The following ACP3 variants were observed in gnomAD, a reference collection of about 807,000 sequenced individuals.
The protein encoded by ACP3 is prostatic acid phosphatase.
A neutral mutation model predicts 45.6 loss-of-function variants in ACP3; 38 were observed. That is an observed-to-expected ratio of 0.83 (90% CI 0.64 to 1.09). The LOEUF (loss-of-function observed/expected upper bound fraction) is 1.09, where lower values mean the gene tolerates loss of function less well. Ranked by LOEUF, ACP3 falls within the 50% of genes least tolerant of loss-of-function variation. The pLI, the probability that ACP3 is intolerant of heterozygous loss-of-function variation, is 0.00. For missense variants in ACP3, 466 were observed against 463.2 expected, an observed-to-expected ratio of 1.01 and a Z score of -0.05; for synonymous variants, 162 against 164.7, an observed-to-expected ratio of 0.98 and a Z score of 0.13.
chr3:132,337,231 TGA>T (rs1937507109), intron 4 of ACP3: 2 of 365,698 alleles, frequency 5.5e-6, no homozygotes, highest in Non-Finnish European at 9.6e-6. Flanking sequence ...AGTTTATGAA[TGA>T]AAAAAAAGGA....
intron 9 of ACP3, among the ~76,000 whole-genome samples, chr3:132,356,402 C>A (rs1937897028): frequency 6.6e-6 from 1 of 152,128 alleles, no homozygotes; most frequent in South Asian, 2.1e-4. Flanking sequence ...TCCCACCCAG[C>A]TCCCTGCAAC....
chr3:132,319,030 T>C (rs1405360455), intron 1 of ACP3, among the ~76,000 whole-genome samples: 1 of 152,198 alleles, frequency 6.6e-6, no homozygotes, highest in Non-Finnish European at 1.5e-5. Context: ...AATTCTTTCC[T>C]GAGGAAAGCC....
intron 8 of ACP3, among the ~76,000 whole-genome samples, chr3:132,350,205 T>C (rs1937694023): frequency 6.6e-6 from 1 of 152,070 alleles, no homozygotes; most frequent in South Asian, 2.1e-4. Context: ...ACATAAACAC[T>C]ATACAAAATG....
intron 8 of ACP3, among the ~76,000 whole-genome samples, chr3:132,350,744 A>G (rs1309107123): frequency 6.6e-6 from 1 of 152,170 alleles, no homozygotes; most frequent in Non-Finnish European, 1.5e-5. Context: ...TCTTTGTTTA[A>G]TTGTAGAAAG....
exon 11 of ACP3, chr3:132,368,067 G>A (rs1282910593): frequency 4.9e-6 from 2 of 408,248 alleles, no homozygotes; most frequent in East Asian, 9.3e-5. Flanking sequence ...GAAAGAGGCT[G>A]TTATGCATAG....
At chr3:132,337,061 G>GGGGT (rs1255362295) in intron 4 of ACP3, among the ~76,000 whole-genome samples, 1 of 137,538 alleles carries the variant, frequency 7.3e-6, no homozygotes, top group South Asian at 2.4e-4. Flanking sequence ...TACATGCGTT[G>GGGGT]GGGTGTGTGT....
chr3:132,361,213 A>G (rs898657820), downstream of ACP3, among the ~76,000 whole-genome samples: 2 of 152,160 alleles, frequency 1.3e-5, no homozygotes, highest in Admixed American at 6.5e-5. Flanking sequence ...CCCTTGTTCA[A>G]TGATATCCCT....
downstream of ACP3, among the ~76,000 whole-genome samples, chr3:132,359,147 C>T (rs571304339): frequency 3.3e-5 from 5 of 152,218 alleles, no homozygotes; most frequent in South Asian, 1.0e-3. Flanking sequence ...CAAGAGTTAT[C>T]CAGATTTGGA....
At chr3:132,337,384 A>C (rs955789870) in intron 4 of ACP3, 72 bp from the exon 5 acceptor site, 3 of 983,714 alleles carry the variant, frequency 3.0e-6, no homozygotes, top group Non-Finnish European at 4.7e-6. Flanking sequence ...TGAGGCTTAA[A>C]ATATTGCTGC....
chr3:132,351,265 T>G (rs1047562034), intron 8 of ACP3, among the ~76,000 whole-genome samples: 1 of 152,054 alleles, frequency 6.6e-6, no homozygotes, highest in African/African-American at 2.4e-5. Context: ...GAGCAAGAGA[T>G]CTTAGAAAAG....
chr3:132,320,956 T>C (rs2107791173), intron 1 of ACP3, among the ~76,000 whole-genome samples: 1 of 152,136 alleles, frequency 6.6e-6, no homozygotes, highest in African/African-American at 2.4e-5. Context: ...TGGCATAATA[T>C]GATATTCTTG....
chr3:132,360,809 A>T (rs1938026963), downstream of ACP3, among the ~76,000 whole-genome samples: 1 of 152,198 alleles, frequency 6.6e-6, no homozygotes, highest in Non-Finnish European at 1.5e-5. Flanking sequence ...CATGCCCAAG[A>T]TTCAACCTTG....
At chr3:132,356,199 T>C (rs577568263) in intron 9 of ACP3, among the ~76,000 whole-genome samples, 5 of 152,210 alleles carry the variant, frequency 3.3e-5, no homozygotes, top group Non-Finnish European at 7.3e-5. Context: ...ATGTTATATA[T>C]TATTCAGTTC....
At chr3:132,344,332 A>G (rs1937584410) in intron 6 of ACP3, among the ~76,000 whole-genome samples, 1 of 151,210 alleles carries the variant, frequency 6.6e-6, no homozygotes, top group Non-Finnish European at 1.5e-5. Context: ...TATAGTCCCA[A>G]CTACTCAGGA....
intron 7 of ACP3, among the ~76,000 whole-genome samples, chr3:132,347,971 C>T (rs1937635202): frequency 6.6e-6 from 1 of 152,066 alleles, no homozygotes; most frequent in African/African-American, 2.4e-5. Flanking sequence ...AAACTACTGC[C>T]TGTATGCCTA....
At chr3:132,344,782 T>A in intron 6 of ACP3, 145 bp from the exon 7 acceptor site, 1 of 875,842 alleles carries the variant, frequency 1.1e-6, no homozygotes, top group South Asian at 1.8e-5. Flanking sequence ...CCACTACTTA[T>A]CACAATATGA....
rs377523594 is a variant in ACP3 at position 132,328,319 on chromosome 3, T to C, written c.173T>C (p.Ile58Thr). 6.2e-6 allele frequency: 10 copies of C among 1,613,718 alleles called. No individual in the cohort carries two copies. In the African/African-American group the frequency reaches 8.0e-5, roughly 13 times the overall value. The change falls in exon 2 of 10, where the codon ATA becomes ACA. Residue 58 changes from isoleucine (I) to threonine (T), a missense_variant. Physicochemically the swap from Ile to Thr is moderately conservative, Grantham distance 89 (BLOSUM62 -1). Coordinates refer to ENST00000336375, the MANE Select transcript of ACP3 (RefSeq NM_001099.5). ...ATTGACACCTTTCCCACTGACCCCATAAAGGAATCCTCATGGCCACAAGGA... is the reference window on the plus strand; with the variant it reads ...ATTGACACCTTTCCCACTGACCCCACAAAGGAATCCTCATGGCCACAAGGA... ...SPIDTFPTDP[I>T]KESSWPQGFG...
intron 1 of ACP3, 101 bp downstream of exon 1, chr3:132,317,677 A>G (rs1411344208): frequency 1.1e-5 from 15 of 1,342,236 alleles, no homozygotes; most frequent in Middle Eastern, 1.9e-4. Flanking sequence ...ATTGTTTCCC[A>G]GAGACCAGGC....
chr3:132,365,421 G>A (rs1358386823), intron 10 of ACP3, among the ~76,000 whole-genome samples: 1 of 152,156 alleles, frequency 6.6e-6, no homozygotes, highest in East Asian at 1.9e-4. Context: ...ATGATAACAG[G>A]TATAGCAAAG....
Sources: gnomAD v4.1 joint callset for allele counts (sites outside exome capture counted in the v4.1 genomes callset) on GRCh38, gnomAD v4.1.1 for gene constraint, MANE v1.5 for transcripts, NCBI Gene and HGNC (gene_info 2026-07-23, HGNC 2026-07-21) for gene names.